Variants in RORA observed in about 807,000 individuals in gnomAD.
RORA encodes the protein nuclear receptor ROR-alpha.
RORA carries 7 observed loss-of-function variants against 69.5 expected under a neutral mutation model. That is an observed-to-expected ratio of 0.10 (90% CI 0.06 to 0.19). RORA has a LOEUF of 0.19. Ranked by LOEUF, RORA falls within the 10% of genes least tolerant of loss-of-function variation. The pLI is 1.00. For synonymous variants in RORA, 261 were observed against 240.8 expected, an observed-to-expected ratio of 1.08 and a Z score of -0.78; for missense variants, 457 against 663.0, an observed-to-expected ratio of 0.69 and a Z score of 3.41.
chr15:61,127,364 A>G (rs1241414154), intron 1 of RORA, among the ~76,000 whole-genome samples: 1 of 152,184 alleles, frequency 6.6e-6, no homozygotes, highest in African/African-American at 2.4e-5. Context: ...CAGCATTTAA[A>G]CTGGTGGGAT....
intron 1 of RORA, among the ~76,000 whole-genome samples, chr15:61,151,917 T>C (rs1198583485): frequency 1.3e-5 from 2 of 152,170 alleles, no homozygotes; most frequent in Non-Finnish European, 2.9e-5. Context: ...ATGGTTTGTC[T>C]TGCCACTCGC....
intron 2 of RORA, chr15:60,558,210 T>C: frequency 1.3e-6 from 2 of 1,589,508 alleles, no homozygotes; most frequent in Non-Finnish European, 1.7e-6. Flanking sequence ...TCAGGAGGCC[T>C]TTGGATTCAC....
At chr15:61,141,073 G>C (rs9788707) in intron 1 of RORA, among the ~76,000 whole-genome samples, 9,175 of 152,034 alleles carry the variant, frequency 0.06, 858 homozygotes, top group East Asian at 0.26. Flanking sequence ...AGTGTAAATT[G>C]GACCCAAAAA....
intron 1 of RORA, among the ~76,000 whole-genome samples, chr15:60,806,811 G>A (rs907790832): frequency 6.6e-6 from 1 of 152,124 alleles, no homozygotes; most frequent in Non-Finnish European, 1.5e-5. Context: ...TGGACAAAAA[G>A]GAGAAAAAGG....
chr15:60,809,818 T>C (rs934195541), intron 1 of RORA, among the ~76,000 whole-genome samples: 2 of 152,108 alleles, frequency 1.3e-5, no homozygotes, highest in Admixed American at 1.3e-4. Context: ...AATAATTAAC[T>C]TTTTTGCTTG....
intron 1 of RORA, among the ~76,000 whole-genome samples, chr15:60,886,706 G>C (rs1018798697): frequency 6.6e-6 from 1 of 152,212 alleles, no homozygotes; most frequent in Admixed American, 6.5e-5. Flanking sequence ...TAAGGATGAT[G>C]AAAGAATCAA....
intron 1 of RORA, among the ~76,000 whole-genome samples, chr15:60,743,591 C>G (rs1257556018): frequency 6.6e-6 from 1 of 152,150 alleles, no homozygotes; most frequent in Non-Finnish European, 1.5e-5. Flanking sequence ...CTTATAAAGG[C>G]AGAAAACACT....
At chr15:60,686,297 T>A (rs2140765107) in intron 1 of RORA, among the ~76,000 whole-genome samples, 2 of 152,330 alleles carry the variant, frequency 1.3e-5, no homozygotes, top group Middle Eastern at 6.8e-3. Context: ...AAAACTTATT[T>A]GGGAAACATC....
Position 60,497,612 on chromosome 15 carries a change from C to G in RORA, c.1415G>C (p.Cys472Ser), listed in dbSNP as rs1297885800. The G allele has an allele frequency of 1.2e-6, 2 of 1,610,310 alleles. No homozygotes were observed. The highest frequency in any genetic ancestry group is 3.3e-5 in the Admixed American group (2 of 60,000). ...TAAGGCTCTTAAGGTAGACACCTTG[C>G]ATATTAACTGTAAGTGAAAGAAAGG... is the stretch of plus-strand genomic sequence containing the variant. Reference protein sequence around the residue: ...REDGILTKLICKVSTLRALCG... With the variant: ...REDGILTKLISKVSTLRALCG... Residue 472 changes from cysteine (C) to serine (S), a missense_variant, in exon 11 of 11, where the codon TGC becomes TCC. Transcript: ENST00000335670.
At chr15:61,145,726 T>C (rs367660243) in intron 1 of RORA, among the ~76,000 whole-genome samples, 3 of 152,140 alleles carry the variant, frequency 2.0e-5, no homozygotes, top group African/African-American at 7.2e-5. Context: ...AAGACTGAGG[T>C]GGAATCTCTG....
chr15:61,028,959 C>G (rs984017186), intron 1 of RORA, among the ~76,000 whole-genome samples: 1 of 151,900 alleles, frequency 6.6e-6, no homozygotes, highest in African/African-American at 2.4e-5. Flanking sequence ...AGAGTGACTG[C>G]TAGTGGGTAT....
chr15:61,171,450 G>A (rs2079584426), intron 1 of RORA, among the ~76,000 whole-genome samples: 3 of 152,156 alleles, frequency 2.0e-5, no homozygotes, highest in Admixed American at 2.0e-4. Context: ...TAAGAACCCA[G>A]GTGATGCTGA....
At chr15:60,736,287 C>T (rs11635314) in intron 1 of RORA, among the ~76,000 whole-genome samples, 23,251 of 152,038 alleles carry the variant, frequency 0.15, 1,865 homozygotes, top group African/African-American at 0.19. Context: ...CTAAGGTAGA[C>T]GGCAGAGGTG....
rs370004494 is a variant in RORA, at chr15:61,215,813, G to A, written c.166+13240C>T. ...ATTTCTTAAAGACCAGCTCCTCTAC[G>A]TCTGCATGTGTGTGTATCACTCACA... is the stretch of plus-strand genomic sequence containing the variant. On this transcript the variant is annotated intron_variant, in intron 1 of 10. Coordinates refer to ENST00000335670, the MANE Select transcript of RORA (RefSeq NM_134261.3). 6.6e-5 allele frequency among the ~76,000 whole-genome samples: 10 copies of A among 152,202 alleles called. No homozygotes were observed. The South Asian group carries it at 1.5e-3, about 22-fold the overall frequency.
intron 1 of RORA, among the ~76,000 whole-genome samples, chr15:61,156,364 T>C (rs2079442715): frequency 6.6e-6 from 1 of 152,036 alleles, no homozygotes; most frequent in African/African-American, 2.4e-5. Flanking sequence ...GTTCCTTGAG[T>C]TGTTTCTTTT....
chr15:61,064,472 A>T (rs556657433), intron 1 of RORA, among the ~76,000 whole-genome samples: 70 of 152,288 alleles, frequency 4.6e-4, no homozygotes, highest in African/African-American at 1.7e-3. Flanking sequence ...CTCCCACACA[A>T]GCAAACTGCA....
At chr15:61,026,471 A>G (rs528705444) in intron 1 of RORA, among the ~76,000 whole-genome samples, 90 of 152,334 alleles carry the variant, frequency 5.9e-4, no homozygotes, top group Non-Finnish European at 6.8e-4. Flanking sequence ...GTATTTGGGT[A>G]TTTAAGTGCA....
chr15:61,224,906 G>C (rs1484450711), intron 1 of RORA, among the ~76,000 whole-genome samples: 2 of 152,108 alleles, frequency 1.3e-5, no homozygotes, highest in Non-Finnish European at 2.9e-5. Context: ...TTCAATGCAG[G>C]CTCCATACTT....
At chr15:60,686,814 A>T (rs2070757560) in intron 1 of RORA, 1 of 152,324 alleles carries the variant, frequency 6.6e-6, no homozygotes, top group Non-Finnish European at 1.5e-5. Flanking sequence ...AACAGGTTGG[A>T]TGAGGATGGC....
Sources: allele counts gnomAD v4.1 joint callset (sites outside exome capture counted in the v4.1 genomes callset), GRCh38; gene constraint gnomAD v4.1.1; transcripts MANE v1.5; gene names NCBI Gene and HGNC (gene_info 2026-07-23, HGNC 2026-07-21).